Variants in MATN2 observed in about 807,000 individuals in gnomAD.
MATN2 encodes matrilin 2, also known as matrilin-2.
In MATN2, 69 loss-of-function variants were observed where a neutral mutation model predicts 103.2. The ratio of observed to expected loss-of-function variants is 0.67; its 90% confidence interval spans 0.55 to 0.82. The LOEUF is 0.82. Ranked by LOEUF, MATN2 falls within the 40% of genes least tolerant of loss-of-function variation. The pLI is 0.00. For synonymous variants in MATN2, 429 were observed against 450.2 expected, an observed-to-expected ratio of 0.95 and a Z score of 0.60; for missense variants, 1,023 against 1,211.5, an observed-to-expected ratio of 0.84 and a Z score of 2.31.
intron 6 of MATN2, among the ~76,000 whole-genome samples, chr8:97,979,275 T>C (rs1222666962): frequency 6.6e-6 from 1 of 152,198 alleles, no homozygotes; most frequent in Admixed American, 6.5e-5. Context: ...ATGCTGACAA[T>C]CCGAGCAACT....
chr8:97,889,913 C>T (rs1818573134), intron 2 of MATN2, among the ~76,000 whole-genome samples: 1 of 152,150 alleles, frequency 6.6e-6, no homozygotes, highest in Non-Finnish European at 1.5e-5. Flanking sequence ...CAGACCACAT[C>T]ACCCCCACCT....
intron 5 of MATN2, among the ~76,000 whole-genome samples, chr8:97,964,462 TC>T (rs1328979370): frequency 0.07 from 10,443 of 148,678 alleles, 589 homozygotes; most frequent in Admixed American, 0.17. Flanking sequence ...TTTTTTTTTT[TC>T]TTTTTTTTGA....
intron 1 of MATN2, among the ~76,000 whole-genome samples, chr8:97,873,671 G>T (rs1817971994): frequency 6.6e-6 from 1 of 152,082 alleles, no homozygotes; most frequent in African/African-American, 2.4e-5. Flanking sequence ...AGACCAGAGG[G>T]GTCAAGGCTA....
At chr8:97,930,198 G>A (rs1043385202) in intron 2 of MATN2, among the ~76,000 whole-genome samples, 3 of 152,184 alleles carry the variant, frequency 2.0e-5, no homozygotes, top group African/African-American at 7.2e-5. Flanking sequence ...TTGTCAGGAC[G>A]ACACAGTTTT....
At chr8:97,885,957 T>A (rs1818411635) in intron 1 of MATN2, among the ~76,000 whole-genome samples, 1 of 152,176 alleles carries the variant, frequency 6.6e-6, no homozygotes, top group Non-Finnish European at 1.5e-5. Flanking sequence ...CTCAGCTTCA[T>A]CTGTATTTAC....
chr8:97,950,015 C>G lies in MATN2; in HGVS notation c.835+8116C>G, dbSNP rs571538727. Among the ~76,000 whole-genome samples the G allele has an allele frequency of 1.5e-3, 230 of 152,198 alleles. 1 individual carries two copies. The highest frequency in any genetic ancestry group is 2.1e-4 in the Non-Finnish European group (14 of 68,004). On this transcript the variant is annotated intron_variant, in intron 4 of 18. Coordinates refer to ENST00000254898, the MANE Select transcript of MATN2 (RefSeq NM_002380.5). ...GTGCTTGGGGCCAAGGAGTGGGGAG[C>G]AGCAGGGAGAGGGATTACAAAGCAG...
rs1347147869 is a variant in MATN2 at position 98,007,668 on chromosome 8, C to T, written c.1573+67C>T. The T allele has an allele frequency of 6.4e-6, 10 of 1,551,202 alleles. No individual in the cohort carries two copies. In the African/African-American group the frequency reaches 9.5e-5, roughly 15 times the overall value. On this transcript the variant is annotated intron_variant, in intron 10 of 18. Transcript: ENST00000254898. This position sits in a 1 kb window ranked among gnomAD's most constrained non-coding sequence, Gnocchi z 4.2. ...GTGGGTGCCGGTGTGGGTGCGCTGC[C>T]GACGTGTATATGTGCCTGTGTGTCC... is the stretch of plus-strand genomic sequence containing the variant.
chr8:98,025,661 G>T (rs1300133937), intron 13 of MATN2: 6 of 346,812 alleles, frequency 1.7e-5, no homozygotes, highest in South Asian at 1.2e-4. Flanking sequence ...CAGGAGAATC[G>T]CTTGAACCTG....
intron 7 of MATN2, among the ~76,000 whole-genome samples, chr8:97,994,982 G>C (rs995617188): frequency 6.6e-6 from 1 of 152,184 alleles, no homozygotes; most frequent in Non-Finnish European, 1.5e-5. Flanking sequence ...GACACTTGAC[G>C]GATGCTAAGA....
intron 13 of MATN2, chr8:98,025,403 G>C (rs1813754766): frequency 5.4e-6 from 1 of 185,700 alleles, no homozygotes; most frequent in African/African-American, 2.4e-5. Context: ...AGATTAGACA[G>C]CTGCTTGATA....
intron 5 of MATN2, among the ~76,000 whole-genome samples, chr8:97,975,415 A>C (rs11779647): frequency 0.23 from 35,108 of 152,114 alleles, 4,632 homozygotes; most frequent in Middle Eastern, 0.3. Flanking sequence ...AAATTATTAC[A>C]TTAGTCTAAA....
At chr8:97,882,112 C>T (rs1400180812) in intron 1 of MATN2, among the ~76,000 whole-genome samples, 5 of 151,114 alleles carry the variant, frequency 3.3e-5, no homozygotes, top group Admixed American at 1.3e-4. Context: ...TTAGTAGAGA[C>T]GGGGTTTCAC....
At chr8:97,894,730 A>G (rs960292863) in intron 2 of MATN2, among the ~76,000 whole-genome samples, 7 of 152,222 alleles carry the variant, frequency 4.6e-5, no homozygotes, top group African/African-American at 1.7e-4. Context: ...CAAAATATTC[A>G]TAAAATTGCA....
At chr8:97,917,313 G>A (rs947948426) in intron 2 of MATN2, among the ~76,000 whole-genome samples, 2 of 152,206 alleles carry the variant, frequency 1.3e-5, no homozygotes, top group Non-Finnish European at 2.9e-5. Flanking sequence ...GCCCTTCTTG[G>A]TAGTAGCTTG....
At chr8:97,900,673 C>T (rs951725314) in intron 2 of MATN2, among the ~76,000 whole-genome samples, 3 of 152,166 alleles carry the variant, frequency 2.0e-5, no homozygotes, top group South Asian at 2.1e-4. Flanking sequence ...TGGTGACTCA[C>T]GCCTGTAATC....
chr8:98,010,905 C>T (rs1159296583), intron 10 of MATN2, among the ~76,000 whole-genome samples: 2 of 152,242 alleles, frequency 1.3e-5, no homozygotes, highest in Non-Finnish European at 2.9e-5. Context: ...CCTTCCAGGG[C>T]TGAGGCAGGC....
intron 2 of MATN2, among the ~76,000 whole-genome samples, chr8:97,916,762 A>G (rs1233706497): frequency 2.0e-5 from 3 of 152,188 alleles, no homozygotes; most frequent in Non-Finnish European, 4.4e-5. Context: ...AATTCAATTC[A>G]TTGGAAACTT....
At position 98,007,035 on chromosome 8, in the gene MATN2, T is replaced by C. The variant is rs1812995161; in HGVS notation, c.1328-70T>C. 6 of 1,528,188 alleles carry C rather than the reference T, an allele frequency of 3.9e-6. No individual in the cohort carries two copies. The highest frequency in any genetic ancestry group is 1.7e-4 in the Middle Eastern group (1 of 5,946). 94.7% of individuals were successfully genotyped at this position (1,528,188 alleles called of 1,614,324 possible). A position where few individuals can be genotyped will look rare whatever the true frequency, so the allele number is the denominator to read the frequency against. On this transcript the variant is annotated intron_variant, in intron 8 of 18. Transcript: ENST00000254898. This position sits in a 1 kb window ranked among gnomAD's most constrained non-coding sequence, Gnocchi z 4.2. ...GCTTGTTATGCCTCCGGTTTTGTTT[T>C]TGAATCTTGGTTGCTGGTGGGGTAT...
chr8:97,939,232 A>G (rs1438565383), intron 3 of MATN2, among the ~76,000 whole-genome samples: 1 of 152,142 alleles, frequency 6.6e-6, no homozygotes, highest in Non-Finnish European at 1.5e-5. Flanking sequence ...CCCACAGCCA[A>G]CGGTAACTCC....
Sources: allele counts gnomAD v4.1 joint callset (sites outside exome capture counted in the v4.1 genomes callset), GRCh38; gene constraint gnomAD v4.1.1; non-coding constraint Gnocchi (gnomAD v3.1); transcripts MANE v1.5; gene names NCBI Gene and HGNC (gene_info 2026-07-23, HGNC 2026-07-21).